The following NAALADL2 variants were observed in gnomAD, a reference collection of about 807,000 sequenced individuals.
The protein encoded by NAALADL2 is N-acetylated alpha-linked acidic dipeptidase like 2.
NAALADL2 carries 76 observed loss-of-function variants against 87.2 expected under a neutral mutation model. That is an observed-to-expected ratio of 0.87 (90% CI 0.72 to 1.05). The LOEUF is 1.05. Ranked by LOEUF, NAALADL2 falls within the 50% of genes least tolerant of loss-of-function variation. The pLI, the probability that NAALADL2 is intolerant of heterozygous loss-of-function variation, is 0.00. For synonymous variants in NAALADL2, 354 were observed against 331.0 expected, an observed-to-expected ratio of 1.07 and a Z score of -0.75; for missense variants, 1,089 against 945.8, an observed-to-expected ratio of 1.15 and a Z score of -1.99.
At position 175,324,267 on chromosome 3, in the gene NAALADL2, C is replaced by T. The variant is rs757895471; in HGVS notation, c.1032C>T (p.Thr344=). ...LPKTVNPSHD[T]FMVSLNPGGD... ...AGACTGTGAATCCTAGCCATGATAC[C>T]TTCATGGTGTCACTGAATCCAGGAG... is the stretch of plus-strand genomic sequence containing the variant. Residue 344 remains threonine (T), a synonymous_variant, in exon 5 of 14, where the codon ACC becomes ACT. Coordinates refer to ENST00000454872, the MANE Select transcript of NAALADL2 (RefSeq NM_207015.3). 1.9e-6 allele frequency: 3 copies of T among 1,612,792 alleles called. No individual in the cohort carries two copies. Among genetic ancestry groups the T allele is most frequent in the East Asian group, 4.5e-5 (2 of 44,842 alleles).
At chr3:175,538,877 G>A (rs1291651985) in intron 9 of NAALADL2, among the ~76,000 whole-genome samples, 1 of 152,134 alleles carries the variant, frequency 6.6e-6, no homozygotes, top group Non-Finnish European at 1.5e-5. Context: ...AATAAACCAT[G>A]TTTCACAGCT....
At chr3:174,930,908 C>G (rs1384403005) in intron 1 of NAALADL2, among the ~76,000 whole-genome samples, 1 of 151,902 alleles carries the variant, frequency 6.6e-6, no homozygotes, top group African/African-American at 2.4e-5. Flanking sequence ...AGGCATGAGC[C>G]ACCACGCCCG....
intron 10 of NAALADL2, among the ~76,000 whole-genome samples, chr3:175,609,778 T>G (rs1267683262): frequency 6.6e-6 from 1 of 152,160 alleles, no homozygotes; most frequent in Non-Finnish European, 1.5e-5. Flanking sequence ...CCCATCTCCC[T>G]TCCAACTGCT....
chr3:175,334,251 C>CAGAT (rs368137446), intron 5 of NAALADL2, among the ~76,000 whole-genome samples: 2,374 of 152,116 alleles, frequency 0.016, 74 homozygotes, highest in African/African-American at 0.053. Flanking sequence ...ATTAGATAGA[C>CAGAT]AGATAGATAG....
At chr3:174,481,039 T>C (rs892406780) in intron 1 of NAALADL2, among the ~76,000 whole-genome samples, 2 of 152,032 alleles carry the variant, frequency 1.3e-5, no homozygotes, top group African/African-American at 4.8e-5. Flanking sequence ...AGTGAGCCTA[T>C]AAGAAAATCA....
chr3:174,846,353 T>C (rs1224932496), intron 3 of NAALADL2, among the ~76,000 whole-genome samples: 1 of 152,194 alleles, frequency 6.6e-6, no homozygotes. Context: ...TGTAGTTGTT[T>C]ATTTGTTGTT....
chr3:175,299,590 CTGTT>C (rs1187245844), intron 4 of NAALADL2, among the ~76,000 whole-genome samples: 3 of 152,112 alleles, frequency 2.0e-5, no homozygotes, highest in Non-Finnish European at 4.4e-5. Flanking sequence ...ATTTGGCTCT[CTGTT>C]TGTCTACTGT....
chr3:175,299,409 C>A (rs777077734), intron 4 of NAALADL2, among the ~76,000 whole-genome samples: 1 of 151,392 alleles, frequency 6.6e-6, no homozygotes, highest in Admixed American at 6.6e-5. Flanking sequence ...GATATTGATT[C>A]TTCTTATCCA....
At chr3:175,422,580 A>G (rs1715885856) in intron 5 of NAALADL2, among the ~76,000 whole-genome samples, 1 of 152,070 alleles carries the variant, frequency 6.6e-6, no homozygotes, top group Non-Finnish European at 1.5e-5. Context: ...AAGGTAGAAG[A>G]GAAAAAAAAA....
At chr3:175,137,114 G>C in intron 2 of NAALADL2, among the ~76,000 whole-genome samples, 1 of 152,042 alleles carries the variant, frequency 6.6e-6, no homozygotes, top group South Asian at 2.1e-4. Flanking sequence ...TCTTAAGCTT[G>C]TCTCTTTCTT....
chr3:175,478,007 A>C (rs1263421588), intron 9 of NAALADL2, among the ~76,000 whole-genome samples: 1 of 152,102 alleles, frequency 6.6e-6, no homozygotes, highest in Non-Finnish European at 1.5e-5. Context: ...TCAGTACTGA[A>C]ACAAAGCTTA....
At chr3:175,226,511 T>G (rs1220276029) in intron 2 of NAALADL2, among the ~76,000 whole-genome samples, 1 of 152,128 alleles carries the variant, frequency 6.6e-6, no homozygotes, top group Non-Finnish European at 1.5e-5. Flanking sequence ...AGTGGAAATC[T>G]GAGATTCAGT....
At chr3:175,075,802 A>G (rs1162829500) in intron 1 of NAALADL2, among the ~76,000 whole-genome samples, 2 of 152,202 alleles carry the variant, frequency 1.3e-5, no homozygotes, top group East Asian at 3.8e-4. Context: ...CACCTGAACT[A>G]TGGTAACTGT....
chr3:175,628,689 T>C (rs1039762151), intron 11 of NAALADL2, among the ~76,000 whole-genome samples: 7 of 148,318 alleles, frequency 4.7e-5, no homozygotes, highest in African/African-American at 1.5e-4. Context: ...ATATATACTT[T>C]CTTGAAAGAT....
chr3:175,504,485 G>T (rs1443465743), intron 9 of NAALADL2, among the ~76,000 whole-genome samples: 1 of 151,704 alleles, frequency 6.6e-6, no homozygotes, highest in Admixed American at 6.6e-5. Flanking sequence ...ATGTCATCAG[G>T]GTGGGGCCCT....
At chr3:174,733,575 C>G (rs1010022915) in intron 2 of NAALADL2, among the ~76,000 whole-genome samples, 1 of 152,214 alleles carries the variant, frequency 6.6e-6, no homozygotes, top group Admixed American at 6.5e-5. Context: ...AAGGCTTGAG[C>G]TTCTTTGTGA....
At chr3:175,127,318 G>A (rs1727118538) in intron 2 of NAALADL2, among the ~76,000 whole-genome samples, 2 of 152,022 alleles carry the variant, frequency 1.3e-5, no homozygotes, top group Admixed American at 1.3e-4. Flanking sequence ...AATTGCTTTG[G>A]GAATCTGTTC....
chr3:175,495,092 A>ATATATAT (rs754412056), intron 9 of NAALADL2, among the ~76,000 whole-genome samples: 6 of 136,506 alleles, frequency 4.4e-5, no homozygotes, highest in Middle Eastern at 3.8e-3. Context: ...ATATATATAT[A>ATATATAT]TTTTTTTTTA....
At chr3:174,459,149 A>C (rs1716043032) in intron 1 of NAALADL2, 1 of 152,168 alleles carries the variant, frequency 6.6e-6, no homozygotes. Flanking sequence ...TCTTTTATAT[A>C]TTAAGAACAT....
Sources: gnomAD v4.1 joint callset for allele counts (sites outside exome capture counted in the v4.1 genomes callset) on GRCh38, gnomAD v4.1.1 for gene constraint, MANE v1.5 for transcripts, NCBI Gene and HGNC (gene_info 2026-07-23, HGNC 2026-07-21) for gene names.